The following IFT74 variants were observed in gnomAD, a reference collection of about 807,000 sequenced individuals.
The protein encoded by IFT74 is intraflagellar transport 74.
A neutral mutation model predicts 96.7 loss-of-function variants in IFT74; 92 were observed. The observed-to-expected ratio is 0.95, with a 90% CI of 0.80 to 1.13. IFT74 has a LOEUF of 1.13. Among genes scored for constraint, IFT74 ranks in the 50% most tolerant of loss-of-function variants. The pLI is 0.00. For missense variants in IFT74, 811 were observed against 698.2 expected (o/e 1.16, Z -1.82); for synonymous variants, 223 against 213.2 (o/e 1.05, Z -0.40).
At chr9:26,964,675 T>C (rs1035347152) in intron 2 of IFT74, among the ~76,000 whole-genome samples, 7 of 152,142 alleles carry the variant, frequency 4.6e-5, no homozygotes, top group East Asian at 1.9e-4. Flanking sequence ...AAGCCTTATG[T>C]CCAATCAAAA....
intron 3 of IFT74, among the ~76,000 whole-genome samples, chr9:26,979,673 G>C (rs906663759): frequency 2.7e-5 from 4 of 145,488 alleles, no homozygotes; most frequent in African/African-American, 1.0e-4. Flanking sequence ...TCTCTTACAA[G>C]GTTTGAGACA....
At chr9:26,956,261 A>G (rs1361485526), upstream of IFT74, 1 of 152,236 alleles carries the variant, frequency 6.6e-6, no homozygotes, top group Non-Finnish European at 1.5e-5. Flanking sequence ...TTTTTCCAAA[A>G]AGCACTGAAG....
chr9:27,024,346 C>T (rs540998960), intron 12 of IFT74, among the ~76,000 whole-genome samples: 68 of 152,310 alleles, frequency 4.5e-4, no homozygotes, highest in African/African-American at 1.6e-3. Flanking sequence ...CAGGACTCTT[C>T]GCAGACCCTC....
chr9:27,011,586 A>G (rs1481372371), intron 9 of IFT74, among the ~76,000 whole-genome samples: 1 of 152,062 alleles, frequency 6.6e-6, no homozygotes, highest in Non-Finnish European at 1.5e-5. Flanking sequence ...GTCTCAGAAC[A>G]TAGTGATGAT....
chr9:26,988,817 TTAAG>T (rs1827748339), intron 7 of IFT74, 89 bp downstream of exon 7: 2 of 1,195,720 alleles, frequency 1.7e-6, no homozygotes, highest in Non-Finnish European at 2.3e-6. Flanking sequence ...TGATAAAACC[TTAAG>T]TGCTATAGAG....
At chr9:26,954,101 G>A (rs1308161565), upstream of IFT74, among the ~76,000 whole-genome samples, 2 of 152,060 alleles carry the variant, frequency 1.3e-5, no homozygotes, top group Non-Finnish European at 2.9e-5. Context: ...AGTAAATTAT[G>A]GATAAAAATG....
At chr9:27,052,260 A>C (rs1331547018) in intron 16 of IFT74, among the ~76,000 whole-genome samples, 1 of 152,170 alleles carries the variant, frequency 6.6e-6, no homozygotes, top group Non-Finnish European at 1.5e-5. Flanking sequence ...CTGTAATCCC[A>C]CCACTTTGGG....
intron 8 of IFT74, chr9:26,993,439 CAT>C (rs925648407): frequency 7.2e-5 from 11 of 152,480 alleles, no homozygotes; most frequent in South Asian, 4.1e-4. Context: ...TTGTTGAAAA[CAT>C]GTGTCTGTAA....
chr9:27,001,711 G>C (rs1053678772), intron 8 of IFT74, among the ~76,000 whole-genome samples: 1 of 151,970 alleles, frequency 6.6e-6, no homozygotes, highest in Non-Finnish European at 1.5e-5. Context: ...TATATCTTCT[G>C]ATTATTAACC....
At chr9:26,976,388 G>A (rs530879127) in intron 2 of IFT74, among the ~76,000 whole-genome samples, 34 of 152,204 alleles carry the variant, frequency 2.2e-4, no homozygotes, top group Non-Finnish European at 4.7e-4. Flanking sequence ...TGCTTGTCAT[G>A]AGAGCACACT....
intron 4 of IFT74, among the ~76,000 whole-genome samples, chr9:26,983,224 C>T (rs1013354211): frequency 9.2e-5 from 14 of 152,146 alleles, no homozygotes; most frequent in African/African-American, 3.4e-4. Flanking sequence ...GATAGTAAGG[C>T]CATCAGTTGT....
chr9:26,988,581 T>G, intron 6 of IFT74, 88 bp from the exon 7 acceptor site: 2 of 1,208,446 alleles, frequency 1.7e-6, no homozygotes, highest in Non-Finnish European at 2.3e-6. Flanking sequence ...TCATTATTTG[T>G]AAGACTGAAT....
At chr9:26,957,727 T>G (rs1333909118) in intron 1 of IFT74, among the ~76,000 whole-genome samples, 4 of 151,824 alleles carry the variant, frequency 2.6e-5, no homozygotes, top group Non-Finnish European at 5.9e-5. Context: ...CTAAGAAAAG[T>G]CAGAAAAGTA....
At position 26,970,342 on chromosome 9, in the gene IFT74, T is replaced by G. The variant is rs1011992152; in HGVS notation, c.121-7786T>G. On this transcript the variant is annotated intron_variant, in intron 2 of 19. Transcript: ENST00000380062. ...TGTATCTTCTAGACTTTTTAATGTA[T>G]TTATAAACACACACACATACATACA... is the stretch of plus-strand genomic sequence containing the variant. Among the ~76,000 whole-genome samples the G allele has an allele frequency of 2.0e-5, 3 of 152,188 alleles. No homozygotes were observed. The South Asian group carries it at 6.2e-4, about 31-fold the overall frequency.
chr9:26,977,145 A>G (rs1199790162), intron 2 of IFT74, among the ~76,000 whole-genome samples: 1 of 152,076 alleles, frequency 6.6e-6, no homozygotes, highest in African/African-American at 2.4e-5. Flanking sequence ...ATTTTTGTCT[A>G]TATTTTTTGT....
At chr9:27,023,679 T>C (rs988459835) in intron 12 of IFT74, among the ~76,000 whole-genome samples, 1 of 152,158 alleles carries the variant, frequency 6.6e-6, no homozygotes, top group African/African-American at 2.4e-5. Flanking sequence ...CATAGAATGA[T>C]TTAAGGAAGA....
At chr9:27,002,359 G>T (rs1397578021) in intron 8 of IFT74, among the ~76,000 whole-genome samples, 8 of 152,234 alleles carry the variant, frequency 5.3e-5, no homozygotes, top group African/African-American at 1.9e-4. Flanking sequence ...TTTCACCTGG[G>T]TGAAGGTGGG....
intron 8 of IFT74, among the ~76,000 whole-genome samples, chr9:27,005,900 C>T (rs984142914): frequency 2.0e-5 from 3 of 152,088 alleles, no homozygotes; most frequent in African/African-American, 7.2e-5. Context: ...AGTGCAGTGG[C>T]ATGATCTCGG....
intron 13 of IFT74, among the ~76,000 whole-genome samples, chr9:27,032,383 A>G (rs1830167877): frequency 1.3e-5 from 2 of 152,196 alleles, no homozygotes; most frequent in Non-Finnish European, 2.9e-5. Context: ...TGCCATTCAT[A>G]CCAGGAAATG....
Sources: allele counts gnomAD v4.1 joint callset (sites outside exome capture counted in the v4.1 genomes callset), GRCh38; gene constraint gnomAD v4.1.1; transcripts MANE v1.5; gene names NCBI Gene and HGNC (gene_info 2026-07-23, HGNC 2026-07-21).